Variants in TACC2 observed in about 807,000 individuals in gnomAD.
TACC2 encodes transforming acidic coiled-coil containing protein 2.
A neutral mutation model predicts 227.3 loss-of-function variants in TACC2; 137 were observed. That is an observed-to-expected ratio of 0.60 (90% CI 0.52 to 0.69). TACC2 has a LOEUF of 0.69. Ranked by LOEUF, TACC2 falls within the 30% of genes least tolerant of loss-of-function variation. The pLI, the probability that TACC2 is intolerant of heterozygous loss-of-function variation, is 0.00. For missense variants in TACC2, 3,470 were observed against 3,694.4 expected (o/e 0.94, Z 1.57); for synonymous variants, 1,523 against 1,487.5 (o/e 1.02, Z -0.55).
At position 122,237,431 on chromosome 10, in the gene TACC2, A is replaced by C; in HGVS notation, c.8164A>C (p.Lys2722Gln). 1 of 1,613,914 alleles carries C rather than the reference A, an allele frequency of 6.2e-7. No individual in the cohort carries two copies. The highest frequency in any genetic ancestry group is 8.5e-7 in the Non-Finnish European group (1 of 1,179,898). The change falls in exon 17 of 23, where the codon AAA (lysine) becomes CAA (glutamine). Residue 2722 changes from lysine (K) to glutamine (Q), a missense_variant. By Grantham distance (53) the Lys-to-Gln change is moderately conservative. Transcript: ENST00000369005. ...TCACCCAACAGACGTCTCCATCTCC[A>C]AAACAGCCTTGTACTCCCGCATCGG... ...AAHPTDVSISKTALYSRIGTA... is the reference protein window; with the variant it reads ...AAHPTDVSISQTALYSRIGTA...
intron 7 of TACC2, among the ~76,000 whole-genome samples, chr10:122,159,381 C>T (rs1044801203): frequency 3.3e-5 from 5 of 152,216 alleles, no homozygotes; most frequent in Non-Finnish European, 5.9e-5. Flanking sequence ...GCACCATTCT[C>T]GCCTGAGCCC....
chr10:122,013,377 T>G (rs542171769), intron 1 of TACC2, among the ~76,000 whole-genome samples: 1 of 149,016 alleles, frequency 6.7e-6, no homozygotes, highest in South Asian at 2.1e-4. Flanking sequence ...CTAACAAATC[T>G]CTTTCCTGGG....
Position 122,240,502 on chromosome 10 carries a change from AC to A in TACC2, c.8349-1453del, listed in dbSNP as rs367877496. Among the ~76,000 whole-genome samples the A allele has an allele frequency of 3.5e-3, 536 of 152,060 alleles. 4 individuals are homozygous for A. Among genetic ancestry groups the A allele is most frequent in the African/African-American group, 0.011 (471 of 41,446 alleles). ...GCATTCTACCTTCATTATCCCTTTT[AC>A]CCTTATTGAATTTCCCATACAGCCC... is the stretch of plus-strand genomic sequence containing the variant. On this transcript the variant is annotated intron_variant, in intron 18 of 22. Coordinates refer to ENST00000369005, the MANE Select transcript of TACC2 (RefSeq NM_206862.4).
In TACC2 at chr10:122,085,153, A is replaced by G; in HGVS notation, c.2653A>G (p.Asn885Asp). The G allele has an allele frequency of 6.2e-7, 1 of 1,614,168 alleles. No individual in the cohort carries two copies. Among genetic ancestry groups the G allele is most frequent in the Non-Finnish European group, 8.5e-7 (1 of 1,180,034 alleles). Residue 885 changes from asparagine to aspartate, a missense_variant, in exon 4 of 23, where the codon AAC becomes GAC. Physicochemically the swap from Asn to Asp is conservative, Grantham distance 23. Transcript: ENST00000369005. ...IHVPVEPQED[N>D]NLPTHGGQEQ... ...TGTACCTGTGGAACCTCAGGAAGAT[A>G]ACAACTTGCCCACTCATGGAGGACA...
At chr10:122,067,092 A>C (rs1228665563) in intron 3 of TACC2, among the ~76,000 whole-genome samples, 1 of 152,228 alleles carries the variant, frequency 6.6e-6, no homozygotes, top group African/African-American at 2.4e-5. Context: ...AACAAGGAAA[A>C]AGAGACTGTA....
rs150579602 is a variant in TACC2, at chr10:122,015,289, G to C, written c.-45-6648G>C. On this transcript the variant is annotated intron_variant, in intron 1 of 22. Transcript: ENST00000369005. ...GGAGGCCGAGGTGGGGGGATCACCT[G>C]AGGTCAGGAGGTCGAGACCAGCCTG... Among the ~76,000 whole-genome samples, 1,145 of 152,186 alleles carry C rather than the reference G, an allele frequency of 7.5e-3. 13 individuals are homozygous for C. The highest frequency in any genetic ancestry group is 0.026 in the African/African-American group (1,097 of 41,522).
intron 3 of TACC2, among the ~76,000 whole-genome samples, chr10:122,070,337 G>T (rs1388740652): frequency 6.6e-6 from 1 of 152,300 alleles, no homozygotes; most frequent in African/African-American, 2.4e-5. Flanking sequence ...GACTGGGCAT[G>T]GTGGCTCATG....
intron 2 of TACC2, among the ~76,000 whole-genome samples, chr10:122,025,439 T>A (rs1957862706): frequency 6.6e-6 from 1 of 151,894 alleles, no homozygotes; most frequent in South Asian, 2.1e-4. Context: ...TTTTTTGTAT[T>A]TTTAGTAGAG....
At chr10:122,090,054 A>G (rs2080572739) in intron 5 of TACC2, among the ~76,000 whole-genome samples, 1 of 151,952 alleles carries the variant, frequency 6.6e-6, no homozygotes, top group Non-Finnish European at 1.5e-5. Context: ...CACCCCAAAA[A>G]TGACCATATC....
chr10:122,032,116 T>A (rs1959056448), intron 2 of TACC2, among the ~76,000 whole-genome samples: 1 of 152,150 alleles, frequency 6.6e-6, no homozygotes, highest in African/African-American at 2.4e-5. Flanking sequence ...CTGATAGCCA[T>A]GTGAGTCATG....
At chr10:122,146,390 T>G (rs893277987) in intron 7 of TACC2, among the ~76,000 whole-genome samples, 8 of 152,180 alleles carry the variant, frequency 5.3e-5, no homozygotes, top group African/African-American at 1.9e-4. Flanking sequence ...ATGCTGAAAC[T>G]TAACCCCCAA....
chr10:122,244,620 C>A (rs941422736), intron 19 of TACC2, among the ~76,000 whole-genome samples: 7 of 152,134 alleles, frequency 4.6e-5, no homozygotes, highest in Non-Finnish European at 1.0e-4. Context: ...TGGTAACATG[C>A]CCAGGAGGCC....
intron 7 of TACC2, among the ~76,000 whole-genome samples, chr10:122,144,910 G>A (rs1225827900): frequency 6.6e-6 from 1 of 152,146 alleles, no homozygotes; most frequent in African/African-American, 2.4e-5. Context: ...CGCAGTGCCT[G>A]GTCTGCCATA....
At chr10:122,250,468 G>A (rs528177021) in intron 22 of TACC2, among the ~76,000 whole-genome samples, 34 of 152,292 alleles carry the variant, frequency 2.2e-4, no homozygotes, top group African/African-American at 7.0e-4. Flanking sequence ...TCCTTTGTTG[G>A]CATCAGAAAT....
chr10:122,114,733 A>G (rs1319446548), intron 5 of TACC2, among the ~76,000 whole-genome samples: 1 of 152,208 alleles, frequency 6.6e-6, no homozygotes, highest in Non-Finnish European at 1.5e-5. Flanking sequence ...ATCATGGAAT[A>G]TGACCTGCTT....
intron 5 of TACC2, chr10:122,113,326 A>G (rs2083990710): frequency 6.6e-6 from 1 of 152,290 alleles, no homozygotes; most frequent in Non-Finnish European, 1.5e-5. Flanking sequence ...GGAAGTGGCC[A>G]AAGCTCATTT....
chr10:122,161,992 T>C (rs907705287), intron 7 of TACC2, among the ~76,000 whole-genome samples: 8 of 152,198 alleles, frequency 5.3e-5, no homozygotes, highest in African/African-American at 1.9e-4. Context: ...TGCCACCAAG[T>C]GACATCCAAT....
At chr10:122,242,821 A>T (rs1048173584) in intron 19 of TACC2, among the ~76,000 whole-genome samples, 3 of 151,716 alleles carry the variant, frequency 2.0e-5, no homozygotes, top group Non-Finnish European at 4.4e-5. Context: ...TTGTTTTGGG[A>T]TGGGGTCTTG....
chr10:122,063,509 C>T (rs1565191891), intron 3 of TACC2, among the ~76,000 whole-genome samples: 1 of 152,196 alleles, frequency 6.6e-6, no homozygotes, highest in Non-Finnish European at 1.5e-5. Flanking sequence ...CTGTTTTCTG[C>T]TCCTCTGGTT....
Sources: gnomAD v4.1 joint callset for allele counts (sites outside exome capture counted in the v4.1 genomes callset) on GRCh38, gnomAD v4.1.1 for gene constraint, MANE v1.5 for transcripts, NCBI Gene and HGNC (gene_info 2026-07-23, HGNC 2026-07-21) for gene names.